The following RTCA variants were observed in gnomAD, a reference collection of about 807,000 sequenced individuals.
The protein encoded by RTCA is RNA 3'-terminal phosphate cyclase.
A neutral mutation model predicts 46.1 loss-of-function variants in RTCA; 37 were observed. That is an observed-to-expected ratio of 0.80 (90% CI 0.62 to 1.06). RTCA has a LOEUF of 1.06. RTCA is among the 50% of genes least tolerant of loss of function. The pLI, the probability that RTCA is intolerant of heterozygous loss-of-function variation, is 0.00. For missense variants in RTCA, 435 were observed against 455.5 expected, an observed-to-expected ratio of 0.95 and a Z score of 0.41; for synonymous variants, 164 against 158.3, an observed-to-expected ratio of 1.04 and a Z score of -0.27.
intron 8 of RTCA, among the ~76,000 whole-genome samples, chr1:100,282,965 C>T (rs1214447508): frequency 6.6e-6 from 1 of 151,968 alleles, no homozygotes; most frequent in Non-Finnish European, 1.5e-5. Flanking sequence ...CGCCACCATG[C>T]CTGGCTATTT....
intron 3 of RTCA, among the ~76,000 whole-genome samples, chr1:100,268,604 C>T (rs968025413): frequency 1.3e-5 from 2 of 152,090 alleles, no homozygotes; most frequent in Non-Finnish European, 2.9e-5. Context: ...CCATGTTTTT[C>T]AGCTGGTCTC....
rs1666439210 is a variant in RTCA, at chr1:100,277,181, A to G, written c.741-77A>G. On this transcript the variant is annotated intron_variant, in intron 7 of 10. Transcript: ENST00000370128. ...ATTTAGTTCTGCCTATTTAATAGTC[A>G]TTGTTCTCTTTTGTTGTATTTGCAT... is the stretch of plus-strand genomic sequence containing the variant. 8 of 1,345,106 alleles carry G rather than the reference A, an allele frequency of 5.9e-6. No homozygotes were observed. In the South Asian group the frequency reaches 9.5e-5, roughly 16 times the overall value. The allele number at this position is 1,345,106 out of a possible 1,614,324, so 83.3% of individuals were successfully genotyped here.
In RTCA at chr1:100,282,793, A is replaced by G. The variant is rs539511172; in HGVS notation, c.800-2435A>G. Among the ~76,000 whole-genome samples, 3 of 152,318 alleles carry G rather than the reference A, an allele frequency of 2.0e-5. No individual in the cohort carries two copies. The East Asian group carries it at 5.8e-4, about 29-fold the overall frequency. On this transcript the variant is annotated intron_variant, in intron 8 of 10. Coordinates refer to ENST00000370128, the MANE Select transcript of RTCA (RefSeq NM_003729.4). ...TGTGTGTAAGGTATGTATGAACATT[A>G]ATGAATTTCAGGTTTGTTTATTTAT...
intron 10 of RTCA, 74 bp from the exon 11 acceptor site, chr1:100,291,329 T>A (rs1667341601): frequency 1.3e-6 from 1 of 779,228 alleles, no homozygotes. Flanking sequence ...ACTCTCTGCC[T>A]ACATAAGTTG....
intron 8 of RTCA, among the ~76,000 whole-genome samples, chr1:100,283,922 T>TAAAAA (rs562483681): frequency 8.8e-5 from 1 of 11,388 alleles, no homozygotes; most frequent in Non-Finnish European, 1.7e-4. Context: ...ACCTAGTCGC[T>TAAAAA]AAAAAAAAAA....
intron 2 of RTCA, chr1:100,266,869 A>C: frequency 1.9e-6 from 1 of 521,682 alleles, no homozygotes; most frequent in Non-Finnish European, 3.4e-6. Context: ...TCATTTGCTG[A>C]AGAGCTAGCT....
In RTCA at chr1:100,277,310, A is replaced by G. The variant is rs780483766; in HGVS notation, c.793A>G (p.Lys265Glu). 6.2e-7 allele frequency: 1 copy of G among 1,610,624 alleles called. No homozygotes were observed. The highest frequency in any genetic ancestry group is 1.1e-5 in the South Asian group (1 of 90,352). The change falls in exon 8 of 11, where the codon AAA becomes GAA. Residue 265 changes from lysine (K) to glutamate (E), a missense_variant. By Grantham distance (56) the Lys-to-Glu change is moderately conservative. Coordinates refer to ENST00000370128, the MANE Select transcript of RTCA (RefSeq NM_003729.4). Reference sequence around the variant, plus strand: ...TTTGTTTGCTGGATCATCGCTTGGTAAACGAGGTAAGATAAATGAAGGGGG... The same window carrying G: ...TTTGTTTGCTGGATCATCGCTTGGTGAACGAGGTAAGATAAATGAAGGGGG... ...GCLFAGSSLG[K>E]RGVNADKVGI...
At chr1:100,277,965 T>C (rs1175962753) in intron 8 of RTCA, among the ~76,000 whole-genome samples, 1 of 152,206 alleles carries the variant, frequency 6.6e-6, no homozygotes, top group Non-Finnish European at 1.5e-5. Flanking sequence ...ATTTGTCTGA[T>C]TGTCTCATGA....
In RTCA at chr1:100,273,396, C is replaced by A; in HGVS notation, c.417C>A (p.Val139=). 6.4e-7 allele frequency: 1 copy of A among 1,574,018 alleles called. No individual in the cohort carries two copies. The highest frequency in any genetic ancestry group is 1.2e-5 in the South Asian group (1 of 85,366). ...MAPQIDYTVM[V]FKPIVEKFGF... is the part of the protein sequence containing the mutation. ...ATGATAAAAACTGATTTTTTCAGGT[C>A]TTCAAGCCAATTGTTGAAAAATTTG... The change falls in exon 5 of 11, where the codon GTC becomes GTA. Residue 139 remains valine, a splice_region_variant and synonymous_variant. Coordinates refer to ENST00000370128, the MANE Select transcript of RTCA (RefSeq NM_003729.4).
intron 4 of RTCA, among the ~76,000 whole-genome samples, chr1:100,271,718 C>T (rs1307245917): frequency 6.6e-6 from 1 of 151,862 alleles, no homozygotes; most frequent in Non-Finnish European, 1.5e-5. Flanking sequence ...CAATTGAATC[C>T]ACCCTTTTTA....
rs754953801 is a variant in RTCA at position 100,275,648 on chromosome 1, T to C, written c.665T>C (p.Ile222Thr). 10 of 1,612,344 alleles carry C rather than the reference T, an allele frequency of 6.2e-6. No individual in the cohort carries two copies. Among genetic ancestry groups the C allele is most frequent in the Non-Finnish European group, 8.5e-6 (10 of 1,179,094 alleles). Residue 222 changes from isoleucine (I) to threonine (T), a missense_variant, in exon 7 of 11, where the codon ATC (isoleucine) becomes ACC (threonine). Ile to Thr is a moderately conservative substitution (Grantham distance 89). Transcript: ENST00000370128. The part of the protein sequence containing the change: ...AAAVRCIRKE[I>T]RDLYVNIQPV... Reference sequence around the variant, plus strand: ...GCAGTTAGATGCATCAGAAAGGAGATCCGGGATTTGTATGTTAACATCCAG... The same window carrying C: ...GCAGTTAGATGCATCAGAAAGGAGACCCGGGATTTGTATGTTAACATCCAG...
intron 3 of RTCA, among the ~76,000 whole-genome samples, chr1:100,269,721 A>G (rs1028311649): frequency 3.3e-5 from 5 of 152,154 alleles, no homozygotes; most frequent in South Asian, 2.1e-4. Flanking sequence ...CAGAATGTGC[A>G]GGTTTGTCAC....
intron 5 of RTCA, among the ~76,000 whole-genome samples, 180 bp downstream of exon 5, chr1:100,273,632 A>G (rs921775762): frequency 6.6e-6 from 1 of 152,220 alleles, no homozygotes; most frequent in Non-Finnish European, 1.5e-5. Context: ...ACTCGAGAGC[A>G]GCTACACATC....
At position 100,274,940 on chromosome 1, in the gene RTCA, T is replaced by C. The variant is rs745770330; in HGVS notation, c.590T>C (p.Phe197Ser). 6.2e-7 allele frequency: 1 copy of C among 1,609,320 alleles called. No homozygotes were observed. The highest frequency in any genetic ancestry group is 1.1e-5 in the South Asian group (1 of 90,538). The change falls in exon 6 of 11, where the codon TTC (phenylalanine) becomes TCC (serine). Residue 197 changes from phenylalanine to serine, a missense_variant. By Grantham distance (155) the Phe-to-Ser change is radical. Transcript: ENST00000370128. ...GCVTKIYGRAFVAGVLPFKVA... is the reference protein window; with the variant it reads ...GCVTKIYGRASVAGVLPFKVA... ...GTGACTAAGATATATGGAAGAGCTT[T>C]CGTTGCTGGTGTTTTGCCATTTAAA...
chr1:100,273,269 T>A, intron 4 of RTCA, 125 bp from the exon 5 acceptor site: 1 of 549,180 alleles, frequency 1.8e-6, no homozygotes, highest in Non-Finnish European at 3.2e-6. Flanking sequence ...GCCTACATAT[T>A]CTTATAACAC....
chr1:100,280,343 C>A (rs1666633282), intron 8 of RTCA, among the ~76,000 whole-genome samples: 1 of 152,090 alleles, frequency 6.6e-6, no homozygotes, highest in South Asian at 2.1e-4. Context: ...TTTTACCAGG[C>A]CTGAAAAAAA....
chr1:100,274,673 T>C (rs1666277605), intron 5 of RTCA, 151 bp from the exon 6 acceptor site: 1 of 821,046 alleles, frequency 1.2e-6, no homozygotes. Flanking sequence ...TTTTTTAATG[T>C]ATAAAATTTT....
intron 5 of RTCA, among the ~76,000 whole-genome samples, chr1:100,273,964 T>G (rs1234730186): frequency 6.6e-6 from 1 of 152,230 alleles, no homozygotes; most frequent in African/African-American, 2.4e-5. Context: ...GTCCCTCTCC[T>G]CCTTTCAACG....
chr1:100,291,188 A>G (rs942681561), intron 10 of RTCA, among the ~76,000 whole-genome samples: 3 of 152,210 alleles, frequency 2.0e-5, no homozygotes, highest in Non-Finnish European at 2.9e-5. Flanking sequence ...ACTCACAGGT[A>G]TGTATACCTC....
Sources: gnomAD v4.1 joint callset for allele counts (sites outside exome capture counted in the v4.1 genomes callset) on GRCh38, gnomAD v4.1.1 for gene constraint, MANE v1.5 for transcripts, NCBI Gene and HGNC (gene_info 2026-07-23, HGNC 2026-07-21) for gene names.